IPO13: variants seen among roughly 807,000 people sequenced by gnomAD.
The protein encoded by IPO13 is importin 13, also known as importin-13.
Under a neutral mutation model 115.5 loss-of-function variants are expected in IPO13, and 28 were observed. The ratio of observed to expected loss-of-function variants is 0.24; its 90% CI spans 0.18 to 0.33. IPO13 has a LOEUF of 0.33. Ranked by LOEUF, IPO13 falls within the 10% of genes least tolerant of loss-of-function variation. The probability of loss-of-function intolerance (pLI) is 1.00; values close to 1 mark genes in which losing one functional copy is unlikely to be tolerated. For missense variants in IPO13, 785 were observed against 1,204.6 expected (o/e 0.65, Z 5.16); for synonymous variants, 414 against 478.9 (o/e 0.86, Z 1.77).
rs1474231806 is a variant in IPO13 at position 43,967,108 on chromosome 1, C to T, written c.2613+89C>T. 7.8e-7 allele frequency: 1 copy of T among 1,278,462 alleles called. No homozygotes were observed. The highest frequency in any genetic ancestry group is 1.8e-5 in the Admixed American group (1 of 57,086). 79.2% of individuals were successfully genotyped at this position (1,278,462 alleles called of 1,614,324 possible). ...TTCTGGGAGGCTTGAGCCTTTGGTC[C>T]CCTAAGCTCTCAGATTCTGTTTCTT... On this transcript the variant is annotated intron_variant, in intron 18 of 19. Coordinates refer to ENST00000372343, the MANE Select transcript of IPO13 (RefSeq NM_014652.4). The surrounding 1 kb of genome is among the most constrained non-coding windows in gnomAD (Gnocchi z 6.1).
Position 43,947,583 on chromosome 1 carries a change from GC to G in IPO13, c.-16del. On this transcript the variant is annotated 5_prime_UTR_variant, in exon 1 of 20. Coordinates refer to ENST00000372343, the MANE Select transcript of IPO13 (RefSeq NM_014652.4). ...GAGACAGATCAGGGCCCACCTCCCT[GC>G]CAGGGAGGGAGCAAAGATGGAGCGG... The G allele has an allele frequency of 7.8e-7, 1 of 1,287,568 alleles. No individual in the cohort carries two copies. Among genetic ancestry groups the G allele is most frequent in the Non-Finnish European group, 9.9e-7 (1 of 1,005,392 alleles). The allele number at this position is 1,287,568 out of a possible 1,614,324, so 79.8% of individuals were successfully genotyped here. A position where few individuals can be genotyped will look rare whatever the true frequency, so the allele number is the denominator to read the frequency against.
At chr1:43,960,406 T>A in intron 12 of IPO13, 77 bp downstream of exon 12, 1 of 1,275,634 alleles carries the variant, frequency 7.8e-7, no homozygotes, top group Non-Finnish European at 1.1e-6. Context: ...ACTGCCACAC[T>A]TCAGCTTACA....
intron 2 of IPO13, 151 bp downstream of exon 2, chr1:43,950,304 G>T: frequency 2.4e-6 from 2 of 846,884 alleles, no homozygotes; most frequent in Non-Finnish European, 1.8e-6. Context: ...CATGGTCCCT[G>T]TCCTCATGGT....
In IPO13 at chr1:43,947,682, A is replaced by G. The variant is rs1239497617; in HGVS notation, c.82A>G (p.Lys28Glu). 3.8e-6 allele frequency: 5 copies of G among 1,316,476 alleles called. No individual in the cohort carries two copies. Among genetic ancestry groups the G allele is most frequent in the Non-Finnish European group, 4.9e-6 (5 of 1,022,904 alleles). 81.5% of individuals were successfully genotyped at this position (1,316,476 alleles called of 1,614,324 possible). ...ALDFTVENVE[K>E]ALHQLYYDPN... is the part of the protein sequence containing the mutation. Reference sequence around the variant, plus strand: ...GGACTTCACTGTGGAGAACGTGGAGAAGGTATGAGGGCTCTGGGGTGGGCA... The same window carrying G: ...GGACTTCACTGTGGAGAACGTGGAGGAGGTATGAGGGCTCTGGGGTGGGCA... The change falls in exon 1 of 20, where the codon AAG becomes GAG. Residue 28 changes from lysine to glutamate, a missense_variant and splice_region_variant. Coordinates refer to ENST00000372343, the MANE Select transcript of IPO13 (RefSeq NM_014652.4).
chr1:43,961,331 C>CA, intron 14 of IPO13, 69 bp downstream of exon 14: 1 of 1,221,074 alleles, frequency 8.2e-7, no homozygotes, highest in South Asian at 1.2e-5. Flanking sequence ...AATGGGGAGC[C>CA]AAAGCTGCCC....
chr1:43,947,500 T>G lies in IPO13; in HGVS notation c.-101T>G, dbSNP rs924437595. ...CCTGGGCCCCCCCTCACCCCACCAC[T>G]CCCTGGGCACCCAAGCCGGGGTCTA... On this transcript the variant is annotated 5_prime_UTR_variant, in exon 1 of 20. Coordinates refer to ENST00000372343, the MANE Select transcript of IPO13 (RefSeq NM_014652.4). The G allele has an allele frequency of 1.1e-5, 7 of 632,670 alleles. No individual in the cohort carries two copies. The highest frequency in any genetic ancestry group is 1.6e-5 in the Non-Finnish European group (7 of 436,878). 39.2% of individuals were successfully genotyped at this position (632,670 alleles called of 1,614,324 possible).
Position 43,966,127 on chromosome 1 carries a change from G to A in IPO13, c.2398-448G>A. On this transcript the variant is annotated intron_variant, in intron 15 of 19. Coordinates refer to ENST00000372343, the MANE Select transcript of IPO13 (RefSeq NM_014652.4). This position sits in a 1 kb window ranked among gnomAD's most constrained non-coding sequence, Gnocchi z 4.1. ...TCAGGAATACAGGAGGGACATGGGA[G>A]GAGGGCTGTTGGGCTGAGGGCTCCC... 1 of 252,950 alleles carries A rather than the reference G, an allele frequency of 4.0e-6. No homozygotes were observed. Among genetic ancestry groups the A allele is most frequent in the Non-Finnish European group, 7.9e-6 (1 of 126,182 alleles). 15.7% of individuals were successfully genotyped at this position (252,950 alleles called of 1,614,324 possible).
Position 43,968,002 on chromosome 1 carries a change from T to C in IPO13, c.*320T>C. On this transcript the variant is annotated 3_prime_UTR_variant, in exon 20 of 20. Transcript: ENST00000372343. Reference sequence around the variant, plus strand: ...AGTGTCATCAACCCCCCCATCCCCATTAAATTAATCCCAACATGCATGTAT... The same window carrying C: ...AGTGTCATCAACCCCCCCATCCCCACTAAATTAATCCCAACATGCATGTAT... 4.4e-6 allele frequency: 2 copies of C among 458,594 alleles called. No homozygotes were observed. Among genetic ancestry groups the C allele is most frequent in the Non-Finnish European group, 8.0e-6 (2 of 251,276 alleles). 28.4% of individuals were successfully genotyped at this position (458,594 alleles called of 1,614,324 possible).
chr1:43,959,166 A>G (rs2085272913), intron 11 of IPO13, among the ~76,000 whole-genome samples: 1 of 152,208 alleles, frequency 6.6e-6, no homozygotes, highest in Non-Finnish European at 1.5e-5. Flanking sequence ...CCTCAGCCCC[A>G]TGAGGGACAT....
Position 43,967,162 on chromosome 1 carries a change from G to T in IPO13, c.2613+143G>T. 1 of 1,094,588 alleles carries T rather than the reference G, an allele frequency of 9.1e-7. No homozygotes were observed. The highest frequency in any genetic ancestry group is 1.4e-6 in the Non-Finnish European group (1 of 730,318). 67.8% of individuals were successfully genotyped at this position (1,094,588 alleles called of 1,614,324 possible). A position where few individuals can be genotyped will look rare whatever the true frequency, so the allele number is the denominator to read the frequency against. On this transcript the variant is annotated intron_variant, in intron 18 of 19. Coordinates refer to ENST00000372343, the MANE Select transcript of IPO13 (RefSeq NM_014652.4). The surrounding 1 kb of genome is among the most constrained non-coding windows in gnomAD (Gnocchi z 6.1). ...CAATTAAATGCCTGAAAGTTGTTAG[G>T]ATTGCTGTGGGGATCAGCTGGCTCT...
At chr1:43,957,042 G>A (rs999896351) in intron 5 of IPO13, 66 bp downstream of exon 5, 1 of 1,580,124 alleles carries the variant, frequency 6.3e-7, no homozygotes, top group African/African-American at 1.4e-5. Flanking sequence ...GAGGGAAGGG[G>A]CCCAAGTCCA....
Position 43,966,875 on chromosome 1 carries a change from T to G in IPO13, c.2524-55T>G. 1 of 1,608,996 alleles carries G rather than the reference T, an allele frequency of 6.2e-7. No homozygotes were observed. Among genetic ancestry groups the G allele is most frequent in the Admixed American group, 1.7e-5 (1 of 60,000 alleles). On this transcript the variant is annotated intron_variant, in intron 17 of 19. Coordinates refer to ENST00000372343, the MANE Select transcript of IPO13 (RefSeq NM_014652.4). The surrounding 1 kb of genome is among the most constrained non-coding windows in gnomAD (Gnocchi z 4.1). ...GTAGGGCTGGGGTGTACAGGTCTTG[T>G]CCTCAGGGAGAGCTGGGAAGGAGCT...
At chr1:43,963,387 A>G (rs1199189417) in intron 14 of IPO13, among the ~76,000 whole-genome samples, 2 of 152,226 alleles carry the variant, frequency 1.3e-5, no homozygotes, top group African/African-American at 4.8e-5. Context: ...GATGGCTCCC[A>G]TACCTGTTAT....
intron 11 of IPO13, among the ~76,000 whole-genome samples, chr1:43,959,460 C>T (rs1288524775): frequency 6.6e-6 from 1 of 152,172 alleles, no homozygotes. Context: ...GCCTCAGCTT[C>T]CCATTAAAAA....
rs1341772083 is a variant in IPO13 at position 43,952,207 on chromosome 1, T to G, written c.821+2054T>G. Among the ~76,000 whole-genome samples, 1 of 152,246 alleles carries G rather than the reference T, an allele frequency of 6.6e-6. No individual in the cohort carries two copies. Among genetic ancestry groups the G allele is most frequent in the Non-Finnish European group, 1.5e-5 (1 of 68,044 alleles). ...TATTTTGAGACAGAGTCTCACTCTG[T>G]CACCCAGGCTGGTGTGCAGTGGCAC... is the stretch of plus-strand genomic sequence containing the variant. On this transcript the variant is annotated intron_variant, in intron 2 of 19. Coordinates refer to ENST00000372343, the MANE Select transcript of IPO13 (RefSeq NM_014652.4). This position sits in a 1 kb window ranked among gnomAD's most constrained non-coding sequence, Gnocchi z 4.7.
In IPO13 at chr1:43,966,209, C is replaced by T; in HGVS notation, c.2398-366C>T. On this transcript the variant is annotated intron_variant, in intron 15 of 19. Coordinates refer to ENST00000372343, the MANE Select transcript of IPO13 (RefSeq NM_014652.4). The surrounding 1 kb of genome is among the most constrained non-coding windows in gnomAD (Gnocchi z 4.1). ...CTGTTCACAAACTGGGGGTGCTTAA[C>T]TCCCTCTGTGAATCAACATGAAGTC... 5.4e-6 allele frequency: 2 copies of T among 373,698 alleles called. No homozygotes were observed. The highest frequency in any genetic ancestry group is 6.0e-5 in the East Asian group (1 of 16,620). The allele number at this position is 373,698 out of a possible 1,614,324, so 23.1% of individuals were successfully genotyped here. A position where few individuals can be genotyped will look rare whatever the true frequency, so the allele number is the denominator to read the frequency against.
rs922872440 is a variant in IPO13 at position 43,952,440 on chromosome 1, G to A, written c.821+2287G>A. Among the ~76,000 whole-genome samples, 1 of 152,168 alleles carries A rather than the reference G, an allele frequency of 6.6e-6. No homozygotes were observed. The highest frequency in any genetic ancestry group is 1.5e-5 in the Non-Finnish European group (1 of 68,030). On this transcript the variant is annotated intron_variant, in intron 2 of 19. Transcript: ENST00000372343. The surrounding 1 kb of genome is among the most constrained non-coding windows in gnomAD (Gnocchi z 4.7). ...CTGCCTCCGCCTCCCAAAGTGCTGG[G>A]ATTACAGGTATGAGCCACCATGCCT...
In IPO13 at chr1:43,947,624, G is replaced by A. The variant is rs749497878; in HGVS notation, c.24G>A (p.Pro8=). The change falls in exon 1 of 20, where the codon CCG becomes CCA. Residue 8 remains proline (P), a synonymous_variant. Transcript: ENST00000372343. ...AGATGGAGCGGCGGGAGGAGCAGCC[G>A]GGGGCTGCAGGGGCTGGAGCAGCAC... is the stretch of plus-strand genomic sequence containing the variant. The part of the protein sequence containing the change: MERREEQ[P]GAAGAGAAPA... 5 of 1,325,694 alleles carry A rather than the reference G, an allele frequency of 3.8e-6. No individual in the cohort carries two copies. Among genetic ancestry groups the A allele is most frequent in the East Asian group, 3.1e-5 (1 of 32,588 alleles). 82.1% of individuals were successfully genotyped at this position (1,325,694 alleles called of 1,614,324 possible). A position where few individuals can be genotyped will look rare whatever the true frequency, so the allele number is the denominator to read the frequency against.
intron 1 of IPO13, among the ~76,000 whole-genome samples, chr1:43,948,105 A>G (rs2085180278): frequency 6.6e-6 from 1 of 152,208 alleles, no homozygotes; most frequent in Admixed American, 6.5e-5. Context: ...ATAATCTGGA[A>G]CTAAAACAAT....
Sources: allele counts gnomAD v4.1 joint callset (sites outside exome capture counted in the v4.1 genomes callset), GRCh38; gene constraint gnomAD v4.1.1; non-coding constraint Gnocchi (gnomAD v3.1); transcripts MANE v1.5; gene names NCBI Gene and HGNC (gene_info 2026-07-23, HGNC 2026-07-21).